The following GNB5 variants were observed in gnomAD, a reference collection of about 807,000 sequenced individuals.
GNB5 encodes the protein guanine nucleotide-binding protein subunit beta-5.
A neutral mutation model predicts 55.3 loss-of-function variants in GNB5; 37 were observed. The ratio of observed to expected loss-of-function variants is 0.67; its 90% CI spans 0.51 to 0.88. The LOEUF (loss-of-function observed/expected upper bound fraction) is 0.88, where lower values mean the gene tolerates loss of function less well. GNB5 is among the 40% of genes least tolerant of loss of function. GNB5 has a pLI of 0.00. For missense variants in GNB5, 476 were observed against 515.3 expected, an observed-to-expected ratio of 0.92 and a Z score of 0.74; for synonymous variants, 219 against 198.5, an observed-to-expected ratio of 1.10 and a Z score of -0.87.
intron 7 of GNB5, among the ~76,000 whole-genome samples, chr15:52,136,011 G>A (rs1053635098): frequency 7.1e-6 from 1 of 141,290 alleles, no homozygotes; most frequent in African/African-American, 2.7e-5. Flanking sequence ...TGTGGTTATT[G>A]CTTATGCCGG....
At chr15:52,159,053 G>A (rs189962575) in intron 3 of GNB5, among the ~76,000 whole-genome samples, 7 of 152,286 alleles carry the variant, frequency 4.6e-5, no homozygotes, top group South Asian at 2.1e-4. Context: ...AGGTGGGTAC[G>A]CTAAGCTGAG....
intron 7 of GNB5, chr15:52,139,574 G>C: frequency 8.6e-6 from 2 of 232,514 alleles, no homozygotes; most frequent in Non-Finnish European, 1.8e-5. Context: ...ATGCAGGACA[G>C]ATTTACTACT....
At position 52,121,634 on chromosome 15, in the gene GNB5, G is replaced by A. The variant is rs2033270839; in HGVS notation, c.*1123C>T. On this transcript the variant is annotated 3_prime_UTR_variant, in exon 13 of 13. Coordinates refer to ENST00000261837, the MANE Select transcript of GNB5 (RefSeq NM_016194.4). ...AATTTTTTTTTTTTTTTGAGACGGA[G>A]TCTCGCTTTGTCACCCAGGCTGCAG... 2 of 148,512 alleles carry A rather than the reference G, an allele frequency of 1.3e-5. No individual in the cohort carries two copies. The highest frequency in any genetic ancestry group is 2.5e-5 in the African/African-American group (1 of 39,818). 9.2% of individuals were successfully genotyped at this position (148,512 alleles called of 1,614,324 possible). A position where few individuals can be genotyped will look rare whatever the true frequency, so the allele number is the denominator to read the frequency against.
intron 6 of GNB5, 142 bp from the exon 7 acceptor site, chr15:52,141,414 G>T: frequency 4.8e-6 from 3 of 628,022 alleles, no homozygotes; most frequent in Non-Finnish European, 7.9e-6. Flanking sequence ...TTACTTTGAA[G>T]ATTTTCTTTT....
Position 52,153,962 on chromosome 15 carries a change from CTCTTA to C in GNB5, c.348_352del (p.Asp116GlufsTer52), listed in dbSNP as rs1085307675. 16 of 1,613,804 alleles carry C rather than the reference CTCTTA, an allele frequency of 9.9e-6. No homozygotes were observed. Among genetic ancestry groups the C allele is most frequent in the Non-Finnish European group, 1.4e-5 (16 of 1,179,762 alleles). ...TACCTGTGACGAGCTCACGATCCTC[CTCTTA>C]TCTTTGCACCAGTCCATGCACAGGA... is the stretch of plus-strand genomic sequence containing the variant. On this transcript the variant is annotated frameshift_variant, in exon 4 of 13. Transcript: ENST00000261837. LOFTEE classifies it high-confidence loss of function.
intron 2 of GNB5, among the ~76,000 whole-genome samples, chr15:52,183,116 C>T (rs1420994359): frequency 6.6e-6 from 1 of 152,218 alleles, no homozygotes; most frequent in Non-Finnish European, 1.5e-5. Context: ...CGTGCCACTG[C>T]TTCAATTGAA....
intron 3 of GNB5, among the ~76,000 whole-genome samples, chr15:52,159,811 T>C (rs1344891043): frequency 1.3e-5 from 2 of 152,072 alleles, no homozygotes; most frequent in Non-Finnish European, 2.9e-5. Flanking sequence ...TGACAGAGGC[T>C]GTCACCCAGG....
rs866067868 is a variant in GNB5 at position 52,149,520 on chromosome 15, G to A, written c.417+364C>T. On this transcript the variant is annotated intron_variant, in intron 5 of 12. Coordinates refer to ENST00000261837, the MANE Select transcript of GNB5 (RefSeq NM_016194.4). ...CATTCCCACAGGGCTATGGAGTCTGGTCAAAGAGAGGGGAGAGAGAATGGA... is the reference window on the plus strand; with the variant it reads ...CATTCCCACAGGGCTATGGAGTCTGATCAAAGAGAGGGGAGAGAGAATGGA... 56 of 553,762 alleles carry A rather than the reference G, an allele frequency of 1.0e-4. 1 individual carries two copies. The Middle Eastern group carries it at 1.9e-3, about 19-fold the overall frequency. The allele number at this position is 553,762 out of a possible 1,614,324, so 34.3% of individuals were successfully genotyped here.
At chr15:52,124,676 T>C in intron 11 of GNB5, 37 bp from the exon 12 acceptor site, 2 of 1,573,668 alleles carry the variant, frequency 1.3e-6, no homozygotes, top group Non-Finnish European at 1.7e-6. Flanking sequence ...TTAAGCCAGT[T>C]CCTTGCTTCC....
rs543008208 is a variant in GNB5 at position 52,167,527 on chromosome 15, C to T, written c.238+12241G>A. Among the ~76,000 whole-genome samples, 4 of 151,976 alleles carry T rather than the reference C, an allele frequency of 2.6e-5. No individual in the cohort carries two copies. The East Asian group carries it at 5.8e-4, about 22-fold the overall frequency. The stretch of plus-strand genomic sequence containing the variant: ...TCTACTAAAAATACAAAAAATTAGC[C>T]GGGCGTGGTGGCAGGCGCCTGTAAT... On this transcript the variant is annotated intron_variant, in intron 3 of 12. Coordinates refer to ENST00000261837, the MANE Select transcript of GNB5 (RefSeq NM_016194.4).
At chr15:52,164,543 G>A (rs1377873915) in intron 3 of GNB5, among the ~76,000 whole-genome samples, 2 of 151,984 alleles carry the variant, frequency 1.3e-5, no homozygotes, top group Non-Finnish European at 2.9e-5. Context: ...CAGGAGAATG[G>A]CGTCAACCTG....
intron 3 of GNB5, among the ~76,000 whole-genome samples, chr15:52,164,745 C>A (rs573108907): frequency 6.6e-6 from 1 of 152,236 alleles, no homozygotes; most frequent in South Asian, 2.1e-4. Flanking sequence ...GATAAGCCCA[C>A]CAAGATGAGA....
At chr15:52,148,929 T>A (rs1389849745) in intron 5 of GNB5, among the ~76,000 whole-genome samples, 1 of 152,166 alleles carries the variant, frequency 6.6e-6, no homozygotes. Flanking sequence ...CAGAAATCAG[T>A]CTGTGCTCTA....
At chr15:52,137,333 T>TA in intron 7 of GNB5, 1 of 1,063,608 alleles carries the variant, frequency 9.4e-7, no homozygotes, top group South Asian at 2.9e-5. Context: ...AGTGTGGTGA[T>TA]ATCTGAGTTG....
chr15:52,142,561 GTT>G (rs35448038), intron 6 of GNB5, among the ~76,000 whole-genome samples: 12 of 147,134 alleles, frequency 8.2e-5, no homozygotes, highest in East Asian at 7.9e-4. Context: ...AGCCAGCTGT[GTT>G]TTTTTTTTTA....
intron 6 of GNB5, among the ~76,000 whole-genome samples, chr15:52,141,887 C>T (rs1024327501): frequency 7.2e-5 from 11 of 152,200 alleles, no homozygotes; most frequent in Admixed American, 3.9e-4. Context: ...CCCTGATTGT[C>T]GCCAGGATCC....
At chr15:52,130,140 A>G (rs1166710806) in intron 9 of GNB5, among the ~76,000 whole-genome samples, 1 of 152,230 alleles carries the variant, frequency 6.6e-6, no homozygotes, top group East Asian at 1.9e-4. Flanking sequence ...AGAATGAGCT[A>G]TCGTAGCAGC....
At chr15:52,161,965 A>G (rs1021994948) in intron 3 of GNB5, among the ~76,000 whole-genome samples, 5 of 152,214 alleles carry the variant, frequency 3.3e-5, no homozygotes, top group African/African-American at 1.2e-4. Flanking sequence ...AAACAGATGA[A>G]GGCAGAGCTG....
intron 6 of GNB5, among the ~76,000 whole-genome samples, chr15:52,142,114 G>A (rs2033870082): frequency 6.6e-6 from 1 of 152,094 alleles, no homozygotes; most frequent in African/African-American, 2.4e-5. Context: ...GTGCTACTGT[G>A]TACTTCTTTC....
Sources: gnomAD v4.1 joint callset for allele counts (sites outside exome capture counted in the v4.1 genomes callset) on GRCh38, gnomAD v4.1.1 for gene constraint, MANE v1.5 for transcripts, NCBI Gene and HGNC (gene_info 2026-07-23, HGNC 2026-07-21) for gene names.